Variants in TNIK observed in about 807,000 individuals in gnomAD.
TNIK encodes the protein TRAF2 and NCK-interacting protein kinase.
TNIK carries 49 observed loss-of-function variants against 191.3 expected under a neutral mutation model. The observed-to-expected ratio is 0.26, with a 90% CI of 0.20 to 0.32. The LOEUF is 0.32. TNIK is among the 10% of genes least tolerant of loss of function. The pLI is 1.00. For synonymous variants in TNIK, 594 were observed against 600.9 expected (o/e 0.99, Z 0.17); for missense variants, 1,155 against 1,702.3 (o/e 0.68, Z 5.66).
chr3:171,426,021 G>C (rs113270045), intron 1 of TNIK, among the ~76,000 whole-genome samples: 3 of 152,048 alleles, frequency 2.0e-5, no homozygotes, highest in African/African-American at 7.2e-5. Context: ...CCTAGAATGA[G>C]AAATACCGTT....
intron 8 of TNIK, among the ~76,000 whole-genome samples, chr3:171,175,705 G>A (rs545711440): frequency 1.6e-4 from 25 of 152,274 alleles, no homozygotes; most frequent in African/African-American, 5.5e-4. Flanking sequence ...TTTTTAATTA[G>A]TAAAAGCCTA....
chr3:171,376,529 G>A (rs866557687), intron 1 of TNIK, among the ~76,000 whole-genome samples: 7 of 152,080 alleles, frequency 4.6e-5, no homozygotes, highest in African/African-American at 1.7e-4. Context: ...TCTAAGGAAG[G>A]AAGCAGACAT....
chr3:171,138,862 T>C (rs1295357148), intron 14 of TNIK, among the ~76,000 whole-genome samples: 2 of 152,150 alleles, frequency 1.3e-5, no homozygotes, highest in African/African-American at 4.8e-5. Flanking sequence ...AGCAAGCTTA[T>C]GTACAGGCTA....
chr3:171,170,891 CA>C (rs1735196312), intron 9 of TNIK, among the ~76,000 whole-genome samples: 1 of 151,928 alleles, frequency 6.6e-6, no homozygotes, highest in African/African-American at 2.4e-5. Context: ...TCTTTATAAA[CA>C]ATAGAAAAAA....
In TNIK at chr3:171,062,560, AC is replaced by A. The variant is rs1307361800; in HGVS notation, c.*1320del. The A allele has an allele frequency of 6.6e-6, 1 of 152,218 alleles. No individual in the cohort carries two copies. Among genetic ancestry groups the A allele is most frequent in the Non-Finnish European group, 1.5e-5 (1 of 68,034 alleles). 9.4% of individuals were successfully genotyped at this position (152,218 alleles called of 1,614,324 possible). On this transcript the variant is annotated 3_prime_UTR_variant, in exon 33 of 33. Coordinates refer to ENST00000436636, the MANE Select transcript of TNIK (RefSeq NM_015028.4). ...GGACACAAGTCAACCTGAACTAAAT[AC>A]ATACATACTTCTGCACAAATGTTGT...
chr3:171,442,654 G>T (rs991930849), intron 1 of TNIK, among the ~76,000 whole-genome samples: 1 of 152,122 alleles, frequency 6.6e-6, no homozygotes, highest in African/African-American at 2.4e-5. Context: ...CCAGTGATGA[G>T]GACCTATAAT....
intron 2 of TNIK, among the ~76,000 whole-genome samples, chr3:171,272,144 TG>T (rs1749181612): frequency 6.6e-6 from 1 of 152,238 alleles, no homozygotes; most frequent in African/African-American, 2.4e-5. Context: ...TGCTGGTTCC[TG>T]GCCACCATGC....
intron 23 of TNIK, 56 bp from the exon 24 acceptor site, chr3:171,087,562 T>C (rs1721531393): frequency 6.3e-7 from 1 of 1,589,850 alleles, no homozygotes; most frequent in Non-Finnish European, 8.6e-7. Flanking sequence ...GGCCACAGAG[T>C]GACATCAGCC....
chr3:171,097,491 C>T (rs2108434228), intron 22 of TNIK, among the ~76,000 whole-genome samples: 1 of 152,322 alleles, frequency 6.6e-6, no homozygotes, highest in Admixed American at 6.5e-5. Context: ...AATCCCACGA[C>T]ATGGGAGTGA....
chr3:171,195,025 A>G (rs964752979), intron 4 of TNIK, among the ~76,000 whole-genome samples: 1 of 152,194 alleles, frequency 6.6e-6, no homozygotes, highest in African/African-American at 2.4e-5. Context: ...AGGTGTCCCA[A>G]CTTAGGGTTA....
intron 2 of TNIK, among the ~76,000 whole-genome samples, chr3:171,319,340 C>CA (rs1378949704): frequency 6.6e-6 from 1 of 152,074 alleles, no homozygotes; most frequent in African/African-American, 2.4e-5. Context: ...AAAAATTCTG[C>CA]AGTTAAGTTC....
chr3:171,425,578 C>T (rs1724445002), intron 1 of TNIK, among the ~76,000 whole-genome samples: 2 of 152,114 alleles, frequency 1.3e-5, no homozygotes, highest in Admixed American at 1.3e-4. Context: ...GTAATCCCAG[C>T]ACTTTGGGAG....
In TNIK at chr3:171,335,027, CAAAA is replaced by C. The variant is rs371457413; in HGVS notation, c.123+34589_123+34592del. Among the ~76,000 whole-genome samples the C allele has an allele frequency of 3.5e-5, 4 of 114,612 alleles. No homozygotes were observed. The East Asian group carries it at 7.7e-4, about 22-fold the overall frequency. 75.2% of individuals were successfully genotyped at this position (114,612 alleles called of 152,430 possible). On this transcript the variant is annotated intron_variant, in intron 2 of 32. Coordinates refer to ENST00000436636, the MANE Select transcript of TNIK (RefSeq NM_015028.4). The stretch of plus-strand genomic sequence containing the variant: ...AATGCACCCTTCCTTCCCCAACTGC[CAAAA>C]AAAAAAAAAAAAAATTGTCTCCTCC...
At chr3:171,457,633 C>T (rs547154815) in intron 1 of TNIK, among the ~76,000 whole-genome samples, 1 of 152,150 alleles carries the variant, frequency 6.6e-6, no homozygotes, top group Non-Finnish European at 1.5e-5. Context: ...ACCTATGTGG[C>T]CTTTGGACCC....
intron 2 of TNIK, among the ~76,000 whole-genome samples, chr3:171,285,888 C>A (rs1191650900): frequency 2.0e-5 from 3 of 152,200 alleles, no homozygotes; most frequent in Non-Finnish European, 2.9e-5. Context: ...TTGAGAAATA[C>A]TATTCCAAAT....
chr3:171,259,350 T>A (rs925388877), intron 2 of TNIK, among the ~76,000 whole-genome samples: 2 of 151,998 alleles, frequency 1.3e-5, no homozygotes, highest in Admixed American at 1.3e-4. Flanking sequence ...AAGACTCAGG[T>A]TTTAGGGTTA....
intron 1 of TNIK, among the ~76,000 whole-genome samples, chr3:171,445,316 A>G (rs150318368): frequency 2.0e-5 from 3 of 151,732 alleles, no homozygotes; most frequent in Non-Finnish European, 4.4e-5. Context: ...CTACCCCAGG[A>G]GCTGAGATGA....
Position 171,284,730 on chromosome 3 carries a change from A to G in TNIK, c.124-56509T>C, listed in dbSNP as rs1750837127. Among the ~76,000 whole-genome samples, 3 of 152,344 alleles carry G rather than the reference A, an allele frequency of 2.0e-5. 1 individual carries two copies. In the South Asian group the frequency reaches 6.2e-4, roughly 32 times the overall value. On this transcript the variant is annotated intron_variant, in intron 2 of 32. Coordinates refer to ENST00000436636, the MANE Select transcript of TNIK (RefSeq NM_015028.4). The stretch of plus-strand genomic sequence containing the variant: ...ACATTATTTAAGGGGCCTGTCTTTT[A>G]CACATTTTTATTAGCACCTAGAGCA...
intron 1 of TNIK, among the ~76,000 whole-genome samples, chr3:171,417,788 T>C (rs1267270856): frequency 1.3e-5 from 2 of 152,158 alleles, no homozygotes; most frequent in Non-Finnish European, 2.9e-5. Context: ...CACCCCTTCC[T>C]ATAATCAAAG....
Sources: allele counts gnomAD v4.1 joint callset (sites outside exome capture counted in the v4.1 genomes callset), GRCh38; gene constraint gnomAD v4.1.1; transcripts MANE v1.5; gene names NCBI Gene and HGNC (gene_info 2026-07-23, HGNC 2026-07-21).